The following ABCG2 variants were observed in gnomAD, a reference collection of about 807,000 sequenced individuals.
ABCG2 encodes the protein ATP binding cassette subfamily G member 2 (JR blood group).
ABCG2 carries 80 observed loss-of-function variants against 73.5 expected under a neutral mutation model. The observed-to-expected ratio is 1.09, with a 90% confidence interval of 0.91 to 1.31. ABCG2 has a LOEUF of 1.31. ABCG2 is among the 50% of genes most tolerant of loss of function. The probability of loss-of-function intolerance (pLI) is 0.00; values close to 1 mark genes in which losing one functional copy is unlikely to be tolerated. For synonymous variants in ABCG2, 269 were observed against 282.4 expected, an observed-to-expected ratio of 0.95 and a Z score of 0.48; for missense variants, 796 against 786.2, an observed-to-expected ratio of 1.01 and a Z score of -0.15.
chr4:88,114,900 C>T, intron 8 of ABCG2, 57 bp downstream of exon 8: 1 of 1,235,242 alleles, frequency 8.1e-7, no homozygotes. Flanking sequence ...CACCACATTG[C>T]TAAACTTCAG....
At chr4:88,117,018 TA>T (rs1386449546) in intron 7 of ABCG2, among the ~76,000 whole-genome samples, 1 of 152,140 alleles carries the variant, frequency 6.6e-6, no homozygotes, top group Non-Finnish European at 1.5e-5. Flanking sequence ...AGCTGCAATC[TA>T]TAGTTACCAG....
rs183341658 is a variant in ABCG2 at position 88,155,887 on chromosome 4, G to A, written c.-20+2499C>T. On this transcript the variant is annotated intron_variant, in intron 1 of 15. Transcript: ENST00000237612. Reference sequence around the variant, plus strand: ...TCCCACCATTGCACTCTGGCCTGGAGCAAGACTCCATCTCAAAAAAAAAAA... The same window carrying A: ...TCCCACCATTGCACTCTGGCCTGGAACAAGACTCCATCTCAAAAAAAAAAA... Among the ~76,000 whole-genome samples the A allele has an allele frequency of 5.0e-3, 762 of 151,888 alleles. 8 individuals are homozygous for A. The highest frequency in any genetic ancestry group is 0.017 in the African/African-American group (719 of 41,436).
intron 1 of ABCG2, among the ~76,000 whole-genome samples, chr4:88,188,541 G>T (rs1728558148): frequency 6.6e-6 from 1 of 152,142 alleles, no homozygotes; most frequent in Non-Finnish European, 1.5e-5. Context: ...TTAAAATCAG[G>T]AAGTGTGAGA....
Position 88,140,221 on chromosome 4 carries a change from T to C in ABCG2, c.-19-207A>G, listed in dbSNP as rs973977208. The stretch of plus-strand genomic sequence containing the variant: ...ACAACTTGGAATGCATAAACTCCAA[T>C]TAGATGTCAAATACATCCCTAATAA... On this transcript the variant is annotated intron_variant, in intron 1 of 15. Coordinates refer to ENST00000237612, the MANE Select transcript of ABCG2 (RefSeq NM_004827.3). 6.6e-5 allele frequency among the ~76,000 whole-genome samples: 10 copies of C among 152,200 alleles called. No homozygotes were observed. In the East Asian group the frequency reaches 1.9e-3, roughly 29 times the overall value.
chr4:88,144,845 C>T (rs1421746923), intron 1 of ABCG2, among the ~76,000 whole-genome samples: 1 of 151,970 alleles, frequency 6.6e-6, no homozygotes. Flanking sequence ...TTACAGATAC[C>T]GTATTTCTCA....
intron 9 of ABCG2, among the ~76,000 whole-genome samples, chr4:88,111,515 T>C (rs1723129754): frequency 6.6e-6 from 1 of 152,044 alleles, no homozygotes; most frequent in African/African-American, 2.4e-5. Flanking sequence ...TATGTGGCTA[T>C]ACATATATAC....
At position 88,151,539 on chromosome 4, in the gene ABCG2, C is replaced by A. The variant is rs556034276; in HGVS notation, c.-20+6847G>T. On this transcript the variant is annotated intron_variant, in intron 1 of 15. Coordinates refer to ENST00000237612, the MANE Select transcript of ABCG2 (RefSeq NM_004827.3). ...GGATCACGAGGTCAGGAGATCAAGA[C>A]CATCCTGGCTAACACGGTGAAACCC... Among the ~76,000 whole-genome samples, 5 of 152,196 alleles carry A rather than the reference C, an allele frequency of 3.3e-5. No individual in the cohort carries two copies. In the South Asian group the frequency reaches 1.0e-3, roughly 32 times the overall value.
Position 88,109,245 on chromosome 4 carries a change from G to A in ABCG2, c.1195-1979C>T, listed in dbSNP as rs527373943. ...GAACTCCTGACCTCATGATCTGCCCGCCTTGGCCTCCCAAAGCACTGGGAT... is the reference window on the plus strand; with the variant it reads ...GAACTCCTGACCTCATGATCTGCCCACCTTGGCCTCCCAAAGCACTGGGAT... On this transcript the variant is annotated intron_variant, in intron 9 of 15. Transcript: ENST00000237612. 4.6e-5 allele frequency among the ~76,000 whole-genome samples: 7 copies of A among 152,064 alleles called. No homozygotes were observed. In the South Asian group the frequency reaches 1.5e-3, roughly 32 times the overall value.
At chr4:88,207,708 C>T (rs532096978) in intron 1 of ABCG2, among the ~76,000 whole-genome samples, 8 of 152,070 alleles carry the variant, frequency 5.3e-5, no homozygotes, top group Non-Finnish European at 1.2e-4. Context: ...GTATACCTGG[C>T]TAATTTTTTT....
At chr4:88,211,361 C>CCT (rs1553900229) in intron 1 of ABCG2, among the ~76,000 whole-genome samples, 1 of 55,226 alleles carries the variant, frequency 1.8e-5, no homozygotes, top group South Asian at 8.5e-4. Context: ...AACCCCTGCC[C>CCT]CACCCCCCCC....
At chr4:88,121,891 A>C in intron 5 of ABCG2, 99 bp from the exon 6 acceptor site, 14 of 1,172,942 alleles carry the variant, frequency 1.2e-5, no homozygotes, top group Non-Finnish European at 1.6e-5. Flanking sequence ...ACTTTATCTC[A>C]TTAAGTTCAT....
At chr4:88,229,978 C>CATTATTATTATTATT (rs61485563) in intron 1 of ABCG2, among the ~76,000 whole-genome samples, 2,743 of 143,546 alleles carry the variant, frequency 0.019, 37 homozygotes, top group South Asian at 0.03. Context: ...TTCTGGCATG[C>CATTATTATTATTATT]ATTATTATTA....
intron 1 of ABCG2, among the ~76,000 whole-genome samples, chr4:88,201,361 A>C (rs1560753378): frequency 6.6e-6 from 1 of 152,196 alleles, no homozygotes; most frequent in Non-Finnish European, 1.5e-5. Context: ...GATAGTAACA[A>C]AACTATTCTC....
intron 1 of ABCG2, among the ~76,000 whole-genome samples, chr4:88,213,835 A>G (rs1358634615): frequency 6.6e-6 from 1 of 151,782 alleles, no homozygotes; most frequent in Non-Finnish European, 1.5e-5. Context: ...GGCACCTGCC[A>G]CCGTGCCCAG....
chr4:88,115,173 C>A, intron 7 of ABCG2, 115 bp from the exon 8 acceptor site: 1 of 593,238 alleles, frequency 1.7e-6, no homozygotes. Flanking sequence ...AATGACTTTT[C>A]CTTAACTTTC....
rs532207124 is a variant in ABCG2 at position 88,120,088 on chromosome 4, G to A, written c.689+1547C>T. ...GGGCCTTGCTGCTTTGTACAGTCTC[G>A]AGACTTGGTACCCTATGTTTCAGCC... On this transcript the variant is annotated intron_variant, in intron 6 of 15. Coordinates refer to ENST00000237612, the MANE Select transcript of ABCG2 (RefSeq NM_004827.3). Among the ~76,000 whole-genome samples the A allele has an allele frequency of 3.3e-5, 5 of 152,274 alleles. No homozygotes were observed. The East Asian group carries it at 5.8e-4, about 18-fold the overall frequency.
chr4:88,209,236 G>A (rs576517498), intron 1 of ABCG2, among the ~76,000 whole-genome samples: 1 of 150,606 alleles, frequency 6.6e-6, no homozygotes, highest in African/African-American at 2.4e-5. Flanking sequence ...CTTGAACCAG[G>A]GAGGCAGAGC....
At chr4:88,097,762 TTG>T (rs1722087526) in intron 12 of ABCG2, among the ~76,000 whole-genome samples, 155 bp from the exon 13 acceptor site, 1 of 152,234 alleles carries the variant, frequency 6.6e-6, no homozygotes, top group Non-Finnish European at 1.5e-5. Flanking sequence ...GTCTCCAATG[TTG>T]TGTCTGTCCA....
At chr4:88,094,992 G>T (rs2110172075) in intron 14 of ABCG2, among the ~76,000 whole-genome samples, 1 of 152,288 alleles carries the variant, frequency 6.6e-6, no homozygotes. Context: ...GGTGCTCAAT[G>T]AGTATTGTTA....
Sources: allele counts gnomAD v4.1 joint callset (sites outside exome capture counted in the v4.1 genomes callset), GRCh38; gene constraint gnomAD v4.1.1; transcripts MANE v1.5; gene names NCBI Gene and HGNC (gene_info 2026-07-23, HGNC 2026-07-21).